Variants in GRM5 observed in about 807,000 individuals in gnomAD.
The protein encoded by GRM5 is glutamate metabotropic receptor 5.
Under a neutral mutation model 83.1 loss-of-function variants are expected in GRM5, and 19 were observed. The ratio of observed to expected loss-of-function variants is 0.23; its 90% CI spans 0.16 to 0.34. The LOEUF (loss-of-function observed/expected upper bound fraction) is 0.34, where lower values mean the gene tolerates loss of function less well. Among genes scored for constraint, GRM5 ranks in the 10% least tolerant of loss-of-function variants. The pLI is 1.00. For missense variants in GRM5, 1,160 were observed against 1,588.3 expected, an observed-to-expected ratio of 0.73 and a Z score of 4.58; for synonymous variants, 675 against 633.6, an observed-to-expected ratio of 1.07 and a Z score of -0.98.
intron 3 of GRM5, among the ~76,000 whole-genome samples, chr11:88,745,469 G>A (rs1173805009): frequency 1.3e-5 from 2 of 152,018 alleles, no homozygotes; most frequent in African/African-American, 2.4e-5. Context: ...GCCTCCCCAA[G>A]TGCAGGGATT....
chr11:88,793,555 T>C (rs1226919511), intron 3 of GRM5, among the ~76,000 whole-genome samples: 1 of 152,162 alleles, frequency 6.6e-6, no homozygotes, highest in Non-Finnish European at 1.5e-5. Context: ...ATAATAGTAT[T>C]GGGAAGAATT....
intron 1 of GRM5, among the ~76,000 whole-genome samples, chr11:89,049,670 C>T (rs1411502167): frequency 7.2e-5 from 11 of 152,156 alleles, no homozygotes. Context: ...AGAAAGTCTT[C>T]CTATGTACAG....
At chr11:89,038,025 T>C (rs1337623882) in intron 2 of GRM5, among the ~76,000 whole-genome samples, 2 of 152,186 alleles carry the variant, frequency 1.3e-5, no homozygotes, top group Admixed American at 6.5e-5. Context: ...TAGTCTATTT[T>C]AATGTATTCT....
chr11:88,663,576 G>GT (rs574503476), intron 3 of GRM5, among the ~76,000 whole-genome samples: 28 of 152,216 alleles, frequency 1.8e-4, no homozygotes, highest in African/African-American at 6.7e-4. Flanking sequence ...AACCTTGTCT[G>GT]TTTTTTCATG....
At chr11:89,053,444 G>A (rs1437941709) in intron 1 of GRM5, among the ~76,000 whole-genome samples, 1 of 152,126 alleles carries the variant, frequency 6.6e-6, no homozygotes. Flanking sequence ...GAAATACATA[G>A]AGTATAAATT....
chr11:88,608,650 C>G (rs1938234460), intron 4 of GRM5, among the ~76,000 whole-genome samples: 1 of 151,180 alleles, frequency 6.6e-6, no homozygotes. Flanking sequence ...TCCCGAGTAG[C>G]TGGGACTACA....
chr11:88,825,440 C>T (rs1270753544), intron 3 of GRM5, among the ~76,000 whole-genome samples: 1 of 152,250 alleles, frequency 6.6e-6, no homozygotes, highest in South Asian at 2.1e-4. Context: ...ACAGTCTTTA[C>T]TTTCCTTACT....
intron 2 of GRM5, among the ~76,000 whole-genome samples, chr11:88,993,024 T>C (rs28826343): frequency 3.6e-5 from 5 of 138,168 alleles, no homozygotes; most frequent in African/African-American, 1.7e-4. Context: ...ATAAATAAAA[T>C]AAATAAAATA....
At chr11:88,913,463 TC>T (rs937245838) in intron 2 of GRM5, among the ~76,000 whole-genome samples, 5 of 151,538 alleles carry the variant, frequency 3.3e-5, no homozygotes, top group Non-Finnish European at 5.9e-5. Flanking sequence ...TTCCTTCCCC[TC>T]CCCTGTCTCA....
At chr11:88,924,343 A>G (rs1945748407) in intron 2 of GRM5, among the ~76,000 whole-genome samples, 1 of 152,124 alleles carries the variant, frequency 6.6e-6, no homozygotes, top group Non-Finnish European at 1.5e-5. Flanking sequence ...CCTTGTAGAA[A>G]GATCTACATT....
chr11:88,785,001 G>T (rs532564828), intron 3 of GRM5, among the ~76,000 whole-genome samples: 1 of 152,142 alleles, frequency 6.6e-6, no homozygotes, highest in East Asian at 1.9e-4. Context: ...AGATGTTGCG[G>T]TATAAAATTT....
At chr11:88,842,414 G>T (rs1944220052) in intron 3 of GRM5, among the ~76,000 whole-genome samples, 1 of 152,240 alleles carries the variant, frequency 6.6e-6, no homozygotes, top group East Asian at 1.9e-4. Flanking sequence ...TATATGTCAT[G>T]GGTTCATTTA....
Position 88,844,933 on chromosome 11 carries a change from A to C in GRM5, c.911+4973T>G, listed in dbSNP as rs527769289. ...ATTGCTTCTTATAGATCAGCAAAGA[A>C]AGTGGTTTCTTGAGGCGGAATATAC... On this transcript the variant is annotated intron_variant, in intron 3 of 9. Coordinates refer to ENST00000305447, the MANE Select transcript of GRM5 (RefSeq NM_001143831.3). Among the ~76,000 whole-genome samples the C allele has an allele frequency of 6.6e-5, 10 of 152,344 alleles. 1 individual carries two copies. The South Asian group carries it at 2.1e-3, about 32-fold the overall frequency.
chr11:88,880,888 T>C (rs1590934352), intron 2 of GRM5, among the ~76,000 whole-genome samples: 1 of 152,156 alleles, frequency 6.6e-6, no homozygotes, highest in African/African-American at 2.4e-5. Context: ...TAACACTCAG[T>C]GTACTGTCTG....
At chr11:88,885,414 A>G (rs1487449754) in intron 2 of GRM5, among the ~76,000 whole-genome samples, 1 of 139,854 alleles carries the variant, frequency 7.2e-6, no homozygotes, top group Non-Finnish European at 1.5e-5. Flanking sequence ...TACAGTCATC[A>G]TTAGTAAAAT....
chr11:88,680,976 T>C (rs1012396563), intron 3 of GRM5, among the ~76,000 whole-genome samples: 2 of 152,160 alleles, frequency 1.3e-5, no homozygotes, highest in African/African-American at 4.8e-5. Flanking sequence ...GTAGGAAGTA[T>C]GCAATATTCT....
At chr11:88,672,066 C>A (rs1747358011) in intron 3 of GRM5, among the ~76,000 whole-genome samples, 1 of 152,048 alleles carries the variant, frequency 6.6e-6, no homozygotes, top group South Asian at 2.1e-4. Flanking sequence ...TAATTCATTT[C>A]ATTCTTAGGA....
intron 2 of GRM5, among the ~76,000 whole-genome samples, chr11:89,025,740 T>C (rs1941114779): frequency 6.6e-6 from 1 of 152,180 alleles, no homozygotes; most frequent in East Asian, 1.9e-4. Flanking sequence ...GGTAGGGATA[T>C]AAATTTGTTT....
chr11:88,951,767 T>C (rs750799953), intron 2 of GRM5, among the ~76,000 whole-genome samples: 14 of 152,238 alleles, frequency 9.2e-5, no homozygotes, highest in African/African-American at 2.7e-4. Context: ...TGTTGGCACA[T>C]ATTAAGTGCA....
Sources: allele counts gnomAD v4.1 joint callset (sites outside exome capture counted in the v4.1 genomes callset), GRCh38; gene constraint gnomAD v4.1.1; transcripts MANE v1.5; gene names NCBI Gene and HGNC (gene_info 2026-07-23, HGNC 2026-07-21).